The following CABYR variants were observed in gnomAD, a reference collection of about 807,000 sequenced individuals.
The protein encoded by CABYR is calcium-binding tyrosine phosphorylation-regulated protein.
CABYR carries 31 observed loss-of-function variants against 36.1 expected under a neutral mutation model. The ratio of observed to expected loss-of-function variants is 0.86; its 90% CI spans 0.64 to 1.16. The LOEUF is 1.16. Among genes scored for constraint, CABYR ranks in the 50% most tolerant of loss-of-function variants. The pLI is 0.00. For missense variants in CABYR, 429 were observed against 455.8 expected (o/e 0.94, Z 0.53); for synonymous variants, 146 against 160.7 (o/e 0.91, Z 0.69).
At chr18:24,151,706 T>TA (rs1555781987) in intron 3 of CABYR, among the ~76,000 whole-genome samples, 3 of 150,354 alleles carry the variant, frequency 2.0e-5, no homozygotes, top group Non-Finnish European at 4.4e-5. Flanking sequence ...TTTTTTTTTT[T>TA]AAAGACAGAG....
intron 4 of CABYR, chr18:24,156,459 T>C: frequency 6.2e-7 from 1 of 1,614,188 alleles, no homozygotes; most frequent in Non-Finnish European, 8.5e-7. Context: ...AGTTATCCCT[T>C]TTACTGATCA....
chr18:24,140,981 A>C (rs993345216), intron 1 of CABYR, among the ~76,000 whole-genome samples: 11 of 152,138 alleles, frequency 7.2e-5, no homozygotes, highest in Non-Finnish European at 1.5e-4. Context: ...AATCTTAGCT[A>C]TTGTCAACAG....
chr18:24,147,018 A>ATGGTGGT (rs932038175), intron 3 of CABYR, among the ~76,000 whole-genome samples: 11 of 152,164 alleles, frequency 7.2e-5, no homozygotes, highest in Non-Finnish European at 1.2e-4. Flanking sequence ...AAGCAGGGGC[A>ATGGTGGT]TGGTGGTTCA....
intron 3 of CABYR, among the ~76,000 whole-genome samples, chr18:24,146,394 A>G (rs1412099287): frequency 2.0e-5 from 3 of 152,218 alleles, no homozygotes; most frequent in Non-Finnish European, 4.4e-5. Flanking sequence ...AGAGATGTAT[A>G]TGGAACATTG....
intron 5 of CABYR, chr18:24,160,961 A>T (rs2085957727): frequency 6.6e-6 from 1 of 152,442 alleles, no homozygotes; most frequent in African/African-American, 2.4e-5. Flanking sequence ...GGGAGATTAT[A>T]TAAAATGAAG....
chr18:24,156,923 T>TG, intron 4 of CABYR: 1 of 1,613,990 alleles, frequency 6.2e-7, no homozygotes, highest in Non-Finnish European at 8.5e-7. Context: ...CCTTCCCTCC[T>TG]GCTCCAGAAG....
At chr18:24,141,394 T>C (rs2085317401) in intron 1 of CABYR, among the ~76,000 whole-genome samples, 1 of 152,250 alleles carries the variant, frequency 6.6e-6, no homozygotes, top group South Asian at 2.1e-4. Flanking sequence ...GTTCATTATA[T>C]CACACTATTT....
chr18:24,156,224 C>T, intron 4 of CABYR, 182 bp downstream of exon 4: 1 of 1,614,106 alleles, frequency 6.2e-7, no homozygotes, highest in Admixed American at 1.7e-5. Flanking sequence ...AAACATCTGT[C>T]CATGTAGATT....
intron 1 of CABYR, among the ~76,000 whole-genome samples, chr18:24,141,068 T>C (rs1020784428): frequency 1.3e-5 from 2 of 152,204 alleles, no homozygotes; most frequent in African/African-American, 4.8e-5. Context: ...AGCAGTGGGA[T>C]TGCTGGATCA....
intron 3 of CABYR, among the ~76,000 whole-genome samples, chr18:24,146,843 C>T (rs1372583203): frequency 1.3e-5 from 2 of 152,048 alleles, no homozygotes; most frequent in Non-Finnish European, 2.9e-5. Context: ...AGCCAAAAGA[C>T]AATGGAATGA....
intron 5 of CABYR, among the ~76,000 whole-genome samples, chr18:24,160,469 T>C (rs1043738251): frequency 6.6e-6 from 1 of 152,162 alleles, no homozygotes; most frequent in Non-Finnish European, 1.5e-5. Context: ...AGAGAGAAAG[T>C]CTTGATTATG....
intron 3 of CABYR, among the ~76,000 whole-genome samples, chr18:24,145,313 CA>C (rs1198669068): frequency 2.6e-5 from 4 of 152,144 alleles, no homozygotes; most frequent in Non-Finnish European, 5.9e-5. Flanking sequence ...CTATCATAAA[CA>C]GACATAAAAG....
intron 3 of CABYR, chr18:24,150,629 C>T (rs1568460741): frequency 2.1e-6 from 2 of 937,620 alleles, no homozygotes; most frequent in Admixed American, 6.2e-5. Context: ...TTTATAGTCT[C>T]TGGTATTCTC....
intron 3 of CABYR, among the ~76,000 whole-genome samples, chr18:24,151,619 G>GT (rs982116850): frequency 5.3e-5 from 8 of 150,504 alleles, no homozygotes; most frequent in African/African-American, 1.7e-4. Context: ...ATAGTAACTA[G>GT]TAAGTATATA....
intron 4 of CABYR, chr18:24,156,821 T>C (rs1326002351): frequency 3.1e-6 from 5 of 1,613,962 alleles, no homozygotes; most frequent in Non-Finnish European, 4.2e-6. Context: ...GGGAAAACTC[T>C]GTACCCCAGG....
At chr18:24,159,375 C>G in intron 4 of CABYR, 97 bp from the exon 5 acceptor site, 1 of 803,216 alleles carries the variant, frequency 1.2e-6, no homozygotes, top group Non-Finnish European at 2.1e-6. Context: ...ATCACTACAG[C>G]TGTTTTATAT....
At chr18:24,140,328 C>G (rs1481092796) in intron 1 of CABYR, 1 of 152,168 alleles carries the variant, frequency 6.6e-6, no homozygotes, top group Non-Finnish European at 1.5e-5. Context: ...ATATATGTAT[C>G]AAATAGTATG....
intron 3 of CABYR, among the ~76,000 whole-genome samples, chr18:24,151,506 G>GT (rs1421786570): frequency 6.6e-6 from 1 of 152,154 alleles, no homozygotes; most frequent in African/African-American, 2.4e-5. Context: ...AGCGACTGTT[G>GT]TAAGTATTTA....
chr18:24,158,826 C>G (rs2085867505), intron 4 of CABYR, among the ~76,000 whole-genome samples: 1 of 152,160 alleles, frequency 6.6e-6, no homozygotes, highest in Admixed American at 6.5e-5. Context: ...AGATGGCACT[C>G]CTAAACCTCT....
Sources: gnomAD v4.1 joint callset for allele counts (sites outside exome capture counted in the v4.1 genomes callset) on GRCh38, gnomAD v4.1.1 for gene constraint, MANE v1.5 for transcripts, NCBI Gene and HGNC (gene_info 2026-07-23, HGNC 2026-07-21) for gene names.